Variants in CALM2 observed in about 807,000 individuals in gnomAD.
CALM2 encodes calmodulin-2.
In CALM2, 2 loss-of-function variants were observed where a neutral mutation model predicts 19.8. The observed-to-expected ratio is 0.10, with a 90% CI of 0.04 to 0.32. The LOEUF (loss-of-function observed/expected upper bound fraction) is 0.32, where lower values mean the gene tolerates loss of function less well. Ranked by LOEUF, CALM2 falls within the 10% of genes least tolerant of loss-of-function variation. The pLI, the probability that CALM2 is intolerant of heterozygous loss-of-function variation, is 1.00. For missense variants in CALM2, 38 were observed against 178.7 expected (o/e 0.21, Z 4.49); for synonymous variants, 51 against 52.1 (o/e 0.98, Z 0.09).
Position 47,162,586 on chromosome 2 carries a change from C to T in CALM2, c.111G>A (p.Met37Ile), listed in dbSNP as rs11551432. 6.2e-7 allele frequency: 1 copy of T among 1,613,674 alleles called. No homozygotes were observed. The highest frequency in any genetic ancestry group is 8.5e-7 in the Non-Finnish European group (1 of 1,179,624). The change falls in exon 3 of 6, where the codon ATG becomes ATA. Residue 37 changes from methionine (M) to isoleucine (I), a missense_variant. Physicochemically the swap from Met to Ile is conservative, Grantham distance 10. Coordinates refer to ENST00000272298, the MANE Select transcript of CALM2 (RefSeq NM_001743.6). The part of the protein sequence containing the change: ...TITTKELGTV[M>I]RSLGQNPTEA... ...CTGTGGGATTCTGCCCAAGAGATCT[C>T]ATTACAGTTCCCAATTCCTTTGTTG...
intron 5 of CALM2, among the ~76,000 whole-genome samples, chr2:47,161,145 A>T (rs1687141074): frequency 6.6e-6 from 1 of 152,200 alleles, no homozygotes; most frequent in Admixed American, 6.5e-5. Context: ...AATTTTTATA[A>T]CATTACATTT....
At chr2:47,168,509 C>T (rs1324570630) in intron 2 of CALM2, among the ~76,000 whole-genome samples, 1 of 151,978 alleles carries the variant, frequency 6.6e-6, no homozygotes, top group East Asian at 1.9e-4. Context: ...GAGGCTGAGG[C>T]GGGTGGATCA....
At chr2:47,166,868 G>C (rs1209199878) in intron 2 of CALM2, among the ~76,000 whole-genome samples, 1 of 152,182 alleles carries the variant, frequency 6.6e-6, no homozygotes, top group African/African-American at 2.4e-5. Context: ...ATAATTGATA[G>C]ATATAAGGAA....
Position 47,170,713 on chromosome 2 carries a change from A to G in CALM2, c.34+21T>C, listed in dbSNP as rs745850698. ...TTATAATAAGAATCTAATGGGTACA[A>G]TCTAGCTGAGTATTTCTCACCTGCA... is the stretch of plus-strand genomic sequence containing the variant. On this transcript the variant is annotated intron_variant, in intron 2 of 5. Transcript: ENST00000272298. 9 of 1,597,084 alleles carry G rather than the reference A, an allele frequency of 5.6e-6. No homozygotes were observed. The East Asian group carries it at 1.6e-4, about 28-fold the overall frequency.
intron 1 of CALM2, among the ~76,000 whole-genome samples, chr2:47,175,795 C>A (rs1288175052): frequency 6.8e-6 from 1 of 146,730 alleles, no homozygotes; most frequent in Non-Finnish European, 1.5e-5. Flanking sequence ...GGCGGCGGCT[C>A]CGGGTCCCGC....
At chr2:47,165,039 TC>T (rs1290287958) in intron 2 of CALM2, among the ~76,000 whole-genome samples, 1 of 152,100 alleles carries the variant, frequency 6.6e-6, no homozygotes, top group African/African-American at 2.4e-5. Flanking sequence ...CCCTTATCCC[TC>T]CCCAAATTTT....
chr2:47,164,660 T>C (rs1666402326), intron 2 of CALM2, among the ~76,000 whole-genome samples: 1 of 151,742 alleles, frequency 6.6e-6, no homozygotes, highest in Non-Finnish European at 1.5e-5. Flanking sequence ...GTTATACCAA[T>C]CAGTAAATAA....
At chr2:47,172,500 C>A (rs893428613) in intron 1 of CALM2, 3 of 1,218,238 alleles carry the variant, frequency 2.5e-6, no homozygotes, top group Non-Finnish European at 3.3e-6. Flanking sequence ...TATAAATTAA[C>A]AAAGAACCTA....
At chr2:47,170,532 T>C (rs967128494) in intron 2 of CALM2, among the ~76,000 whole-genome samples, 3 of 152,224 alleles carry the variant, frequency 2.0e-5, no homozygotes, top group African/African-American at 7.2e-5. Context: ...TTAACTACAA[T>C]TAGCCCTGCA....
Position 47,161,862 on chromosome 2 carries a change from G to A in CALM2, c.286-4C>T, listed in dbSNP as rs1416748842. On this transcript the variant is annotated splice_polypyrimidine_tract_variant and splice_region_variant and intron_variant, in intron 4 of 5. Coordinates refer to ENST00000272298, the MANE Select transcript of CALM2 (RefSeq NM_001743.6). ...CACTAATATAGCCATTGCCATCCTA[G>A]CAAAAAATTTAGTATAGTTTCTGAG... 3.1e-6 allele frequency: 5 copies of A among 1,600,656 alleles called. No homozygotes were observed. The highest frequency in any genetic ancestry group is 3.4e-6 in the Non-Finnish European group (4 of 1,174,972).
intron 1 of CALM2, 112 bp downstream of exon 1, chr2:47,176,329 G>C (rs906682315): frequency 1.5e-6 from 2 of 1,340,632 alleles, no homozygotes; most frequent in East Asian, 4.9e-5. Context: ...CATCCCTCTG[G>C]CAGAAACCAC....
intron 2 of CALM2, among the ~76,000 whole-genome samples, chr2:47,170,037 T>G (rs1666614416): frequency 6.6e-6 from 1 of 151,756 alleles, no homozygotes; most frequent in Admixed American, 6.6e-5. Context: ...GCCATCTCAA[T>G]GTACAAGGAT....
At chr2:47,162,145 G>A (rs1323673842) in intron 4 of CALM2, 141 bp downstream of exon 4, 9 of 348,288 alleles carry the variant, frequency 2.6e-5, no homozygotes, top group South Asian at 3.9e-5. Context: ...CTTTTGCTTG[G>A]TAATTAAAAT....
At chr2:47,175,420 C>T (rs1249623581) in intron 1 of CALM2, among the ~76,000 whole-genome samples, 1 of 152,194 alleles carries the variant, frequency 6.6e-6, no homozygotes, top group African/African-American at 2.4e-5. Context: ...AAGGCAGTCA[C>T]TCCGGAGCCT....
intron 2 of CALM2, among the ~76,000 whole-genome samples, chr2:47,169,285 A>G (rs1194499240): frequency 3.3e-5 from 5 of 152,036 alleles, no homozygotes; most frequent in African/African-American, 1.2e-4. Flanking sequence ...GGAAGGAGAC[A>G]GTATATTTAT....
At chr2:47,172,807 T>TGGGGGGGGGGGGGGGGG (rs56098000) in intron 1 of CALM2, 1 of 36,724 alleles carries the variant, frequency 2.7e-5, no homozygotes, top group Non-Finnish European at 4.6e-5. Flanking sequence ...CTACATGGGT[T>TGGGGGGGGGGGGGGGGG]GGGGGGGGGG....
chr2:47,172,612 A>T, intron 1 of CALM2: 1 of 410,020 alleles, frequency 2.4e-6, no homozygotes, highest in Non-Finnish European at 3.9e-6. Flanking sequence ...ATTCAATGTT[A>T]ACTTTGTTTA....
chr2:47,166,881 T>TAC (rs1024076511), intron 2 of CALM2, among the ~76,000 whole-genome samples: 18 of 152,192 alleles, frequency 1.2e-4, no homozygotes, highest in African/African-American at 4.3e-4. Flanking sequence ...ATAAGGAACC[T>TAC]ACCAAAATCC....
intron 5 of CALM2, 30 bp downstream of exon 5, chr2:47,161,693 A>T: frequency 1.3e-6 from 2 of 1,584,270 alleles, no homozygotes; most frequent in African/African-American, 2.7e-5. Flanking sequence ...AATCAAAGTG[A>T]AGAATGAGGC....
Sources: gnomAD v4.1 joint callset for allele counts (sites outside exome capture counted in the v4.1 genomes callset) on GRCh38, gnomAD v4.1.1 for gene constraint, MANE v1.5 for transcripts, NCBI Gene and HGNC (gene_info 2026-07-23, HGNC 2026-07-21) for gene names.